The following CNTN6 variants were observed in gnomAD, a reference collection of about 807,000 sequenced individuals.
The protein encoded by CNTN6 is contactin-6.
A neutral mutation model predicts 122.8 loss-of-function variants in CNTN6; 137 were observed. The ratio of observed to expected loss-of-function variants is 1.12; its 90% CI spans 0.97 to 1.29. The LOEUF (loss-of-function observed/expected upper bound fraction) is 1.29. CNTN6 is among the 50% of genes most tolerant of loss of function. CNTN6 has a pLI of 0.00. For synonymous variants in CNTN6, 570 were observed against 426.0 expected (o/e 1.34, Z -4.16); for missense variants, 1,634 against 1,223.4 (o/e 1.34, Z -5.01).
chr3:1,282,841 A>G (rs1693704149), intron 5 of CNTN6, among the ~76,000 whole-genome samples: 1 of 151,976 alleles, frequency 6.6e-6, no homozygotes, highest in African/African-American at 2.4e-5. Flanking sequence ...AGAATTCAGT[A>G]CTCCTTTAGC....
Position 1,297,895 on chromosome 3 carries a change from T to C in CNTN6, c.665T>C (p.Met222Thr). 1.2e-6 allele frequency: 2 copies of C among 1,610,486 alleles called. No individual in the cohort carries two copies. Among genetic ancestry groups the C allele is most frequent in the South Asian group, 1.1e-5 (1 of 90,236 alleles). Residue 222 changes from methionine to threonine, a missense_variant, in exon 7 of 23, where the codon ATG becomes ACG. Coordinates refer to ENST00000446702, the MANE Select transcript of CNTN6 (RefSeq NM_001289080.2). ...TPLVQRTDGVMGEYEPKIEVR... is the reference protein window; with the variant it reads ...TPLVQRTDGVTGEYEPKIEVR... ...CTCTTTTGATATTTAACAGGTGTGA[T>C]GGGGGAATATGAACCAAAGATTGAA...
At chr3:1,398,207 T>G (rs973233119) in intron 20 of CNTN6, among the ~76,000 whole-genome samples, 1 of 152,152 alleles carries the variant, frequency 6.6e-6, no homozygotes, top group African/African-American at 2.4e-5. Flanking sequence ...CATAGATATT[T>G]GCAATCCAGT....
intron 3 of CNTN6, among the ~76,000 whole-genome samples, chr3:1,222,676 G>GC (rs2094223912): frequency 1.3e-5 from 2 of 151,940 alleles, no homozygotes; most frequent in African/African-American, 4.8e-5. Context: ...CTTATTTCCA[G>GC]CCCCCATAAC....
Position 1,373,778 on chromosome 3 carries a change from G to A in CNTN6, c.1945+16G>A. ...GTTGCTACAGGTGAGTGACAAAAGTGTTTTGGGTCACTTTAAAAATAATAT... is the reference window on the plus strand; with the variant it reads ...GTTGCTACAGGTGAGTGACAAAAGTATTTTGGGTCACTTTAAAAATAATAT... On this transcript the variant is annotated intron_variant, in intron 15 of 22. Transcript: ENST00000446702. 1 of 1,566,354 alleles carries A rather than the reference G, an allele frequency of 6.4e-7. No homozygotes were observed. The highest frequency in any genetic ancestry group is 8.6e-7 in the Non-Finnish European group (1 of 1,159,018).
chr3:1,312,380 T>G (rs1193381551), intron 7 of CNTN6, among the ~76,000 whole-genome samples: 1 of 152,046 alleles, frequency 6.6e-6, no homozygotes, highest in East Asian at 1.9e-4. Context: ...CATCCCAGTC[T>G]ATCACCACCT....
chr3:1,108,048 T>C (rs1337643522), intron 1 of CNTN6, among the ~76,000 whole-genome samples: 1 of 152,058 alleles, frequency 6.6e-6, no homozygotes, highest in Non-Finnish European at 1.5e-5. Context: ...ACCCTAGACA[T>C]AGATAGCTCC....
chr3:1,283,030 A>G (rs982112939), intron 5 of CNTN6, among the ~76,000 whole-genome samples: 3 of 152,034 alleles, frequency 2.0e-5, no homozygotes, highest in African/African-American at 7.2e-5. Context: ...TGGAGTGCAG[A>G]GGTGCCATAT....
Position 1,372,270 on chromosome 3 carries a change from C to T in CNTN6, c.1493-29C>T, listed in dbSNP as rs761428572. Reference sequence around the variant, plus strand: ...TAACCATAGGCTAGCATTTCATAAGCTTTAAAAAATAATTTTTTTTCTCAA... The same window carrying T: ...TAACCATAGGCTAGCATTTCATAAGTTTTAAAAAATAATTTTTTTTCTCAA... On this transcript the variant is annotated intron_variant, in intron 12 of 22. Coordinates refer to ENST00000446702, the MANE Select transcript of CNTN6 (RefSeq NM_001289080.2). 12 of 1,552,472 alleles carry T rather than the reference C, an allele frequency of 7.7e-6. No homozygotes were observed. The Admixed American group carries it at 2.3e-4, about 30-fold the overall frequency.
chr3:1,384,831 AAC>A (rs1692616628), intron 19 of CNTN6, among the ~76,000 whole-genome samples: 6 of 147,614 alleles, frequency 4.1e-5, no homozygotes, highest in African/African-American at 1.2e-4. Flanking sequence ...ATATATATAT[AAC>A]CATAATCCTC....
At chr3:1,325,672 G>A (rs1701433361) in intron 8 of CNTN6, 143 bp from the exon 9 acceptor site, 3 of 675,024 alleles carry the variant, frequency 4.4e-6, no homozygotes, top group Admixed American at 3.0e-5. Flanking sequence ...GCTCCTGCAT[G>A]TCCCCTCCCT....
intron 1 of CNTN6, among the ~76,000 whole-genome samples, chr3:1,130,940 C>G (rs2092319754): frequency 6.6e-6 from 1 of 152,182 alleles, no homozygotes; most frequent in East Asian, 1.9e-4. Context: ...TACTTTGTCT[C>G]CAGAGATTCT....
intron 20 of CNTN6, among the ~76,000 whole-genome samples, chr3:1,393,551 GAAGTA>G (rs1165968495): frequency 5.1e-5 from 3 of 58,530 alleles, no homozygotes; most frequent in Non-Finnish European, 6.7e-5. Context: ...AAAACTTAAA[GAAGTA>G]AAAAAAAAAA....
Position 1,202,567 on chromosome 3 carries a change from T to C in CNTN6, c.56-18120T>C, listed in dbSNP as rs968747498. Among the ~76,000 whole-genome samples, 49 of 148,986 alleles carry C rather than the reference T, an allele frequency of 3.3e-4. No homozygotes were observed. In the East Asian group the frequency reaches 9.0e-3, roughly 27 times the overall value. On this transcript the variant is annotated intron_variant, in intron 2 of 22. Coordinates refer to ENST00000446702, the MANE Select transcript of CNTN6 (RefSeq NM_001289080.2). ...AAAAATAAATAAATAAATAAATAAA[T>C]AAATAAATAAATAAATAAATACAAA...
intron 20 of CNTN6, among the ~76,000 whole-genome samples, chr3:1,391,320 T>G (rs1277143363): frequency 2.4e-5 from 3 of 124,402 alleles, no homozygotes; most frequent in African/African-American, 1.0e-4. Flanking sequence ...ATTATCTCAA[T>G]AGATGCAGAA....
chr3:1,230,509 T>C (rs556184909), intron 4 of CNTN6, among the ~76,000 whole-genome samples: 207 of 152,338 alleles, frequency 1.4e-3, no homozygotes, highest in Non-Finnish European at 2.0e-3. Flanking sequence ...GAAACTCTCC[T>C]AGTTTAGTTT....
chr3:1,158,459 A>G (rs2093027039), intron 2 of CNTN6, among the ~76,000 whole-genome samples: 1 of 152,126 alleles, frequency 6.6e-6, no homozygotes, highest in African/African-American at 2.4e-5. Flanking sequence ...GTAGTTTACA[A>G]ATACTTCCTT....
chr3:1,388,520 G>GGAACGCAGCGCCTCTCCTCCTCCAAA (rs1693547749), intron 20 of CNTN6, among the ~76,000 whole-genome samples: 1 of 150,652 alleles, frequency 6.6e-6, no homozygotes, highest in Non-Finnish European at 1.5e-5. Flanking sequence ...CCTCCTCCAA[G>GGAACGCAGCGCCTCTCCTCCTCCAAA]GGAACGCAGT....
At chr3:1,371,204 C>G (rs769132952) in intron 12 of CNTN6, among the ~76,000 whole-genome samples, 6 of 152,032 alleles carry the variant, frequency 3.9e-5, no homozygotes, top group Non-Finnish European at 8.8e-5. Flanking sequence ...AGTTTGGTTT[C>G]TTGAGCAGAA....
Position 1,324,989 on chromosome 3 carries a change from C to G in CNTN6, c.947-826C>G, listed in dbSNP as rs909136440. Among the ~76,000 whole-genome samples, 19 of 139,652 alleles carry G rather than the reference C, an allele frequency of 1.4e-4. 1 individual carries two copies. The highest frequency in any genetic ancestry group is 6.3e-4 in the African/African-American group (19 of 30,084). The allele number at this position is 139,652 out of a possible 152,430, so 91.6% of individuals were successfully genotyped here. A position where few individuals can be genotyped will look rare whatever the true frequency, so the allele number is the denominator to read the frequency against. ...GAAGCGTCATATACTTCTGTATATC[C>G]AAGGACAGAACTAAATAAAGGAGAG... On this transcript the variant is annotated intron_variant, in intron 8 of 22. Coordinates refer to ENST00000446702, the MANE Select transcript of CNTN6 (RefSeq NM_001289080.2).
Sources: allele counts gnomAD v4.1 joint callset (sites outside exome capture counted in the v4.1 genomes callset), GRCh38; gene constraint gnomAD v4.1.1; transcripts MANE v1.5; gene names NCBI Gene and HGNC (gene_info 2026-07-23, HGNC 2026-07-21).